MLLT10: variants seen among roughly 807,000 people sequenced by gnomAD.
MLLT10 encodes MLLT10 histone lysine methyltransferase DOT1L cofactor.
Under a neutral mutation model 129.1 loss-of-function variants are expected in MLLT10, and 30 were observed. That is an observed-to-expected ratio of 0.23 (90% CI 0.17 to 0.32). MLLT10 has a LOEUF of 0.32. MLLT10 is among the 10% of genes least tolerant of loss of function. The pLI is 1.00. For synonymous variants in MLLT10, 490 were observed against 446.4 expected (o/e 1.10, Z -1.23); for missense variants, 1,119 against 1,268.3 (o/e 0.88, Z 1.79).
intron 3 of MLLT10, among the ~76,000 whole-genome samples, chr10:21,578,041 G>A (rs2131060749): frequency 6.6e-6 from 1 of 151,998 alleles, no homozygotes; most frequent in African/African-American, 2.4e-5. Flanking sequence ...GATTACAGGT[G>A]CCCGCCATCA....
chr10:21,612,725 C>T (rs2044777904), intron 6 of MLLT10, among the ~76,000 whole-genome samples: 1 of 152,062 alleles, frequency 6.6e-6, no homozygotes, highest in Non-Finnish European at 1.5e-5. Context: ...GATTACCTAT[C>T]CTTCGATTTG....
chr10:21,646,733 A>G (rs1029333894), intron 8 of MLLT10, among the ~76,000 whole-genome samples: 1 of 152,170 alleles, frequency 6.6e-6, no homozygotes, highest in Non-Finnish European at 1.5e-5. Flanking sequence ...TGAAGATAAT[A>G]CTTGTAAGTT....
intron 3 of MLLT10, among the ~76,000 whole-genome samples, chr10:21,574,404 A>G (rs2040519448): frequency 6.6e-6 from 1 of 152,172 alleles, no homozygotes; most frequent in Non-Finnish European, 1.5e-5. Flanking sequence ...GGTTTTTCCA[A>G]AGTGTTACCA....
At position 21,735,245 on chromosome 10, in the gene MLLT10, T is replaced by G; in HGVS notation, c.2955+10T>G. 1 of 1,585,402 alleles carries G rather than the reference T, an allele frequency of 6.3e-7. No individual in the cohort carries two copies. Among genetic ancestry groups the G allele is most frequent in the South Asian group, 1.1e-5 (1 of 90,172 alleles). On this transcript the variant is annotated intron_variant, in intron 21 of 22. Coordinates refer to ENST00000307729, the MANE Select transcript of MLLT10 (RefSeq NM_001195626.3). ...TCAACAGCTCACACCAGTAAGTTCT[T>G]TCTTTTGATAATATCTTATTAGGAG...
chr10:21,617,750 GT>G (rs1370832072), intron 8 of MLLT10, among the ~76,000 whole-genome samples: 2 of 152,032 alleles, frequency 1.3e-5, no homozygotes, highest in Non-Finnish European at 1.5e-5. Flanking sequence ...TGACTTGCCT[GT>G]TTTTCCCGCT....
chr10:21,606,559 A>C (rs2044092447), intron 5 of MLLT10, among the ~76,000 whole-genome samples: 1 of 152,174 alleles, frequency 6.6e-6, no homozygotes, highest in Non-Finnish European at 1.5e-5. Flanking sequence ...GTTTGAAAGA[A>C]GTTGATTCTG....
At chr10:21,654,619 G>T (rs1264511080) in intron 9 of MLLT10, among the ~76,000 whole-genome samples, 1 of 152,152 alleles carries the variant, frequency 6.6e-6, no homozygotes, top group African/African-American at 2.4e-5. Flanking sequence ...TCCACCTGAA[G>T]GTTCATGGGC....
intron 8 of MLLT10, among the ~76,000 whole-genome samples, chr10:21,621,340 G>T (rs1407533857): frequency 6.6e-6 from 1 of 150,474 alleles, no homozygotes; most frequent in East Asian, 2.0e-4. Context: ...CGCCTTCCAG[G>T]TTCACGCCAT....
chr10:21,571,809 G>A (rs2040237050), intron 3 of MLLT10, among the ~76,000 whole-genome samples: 1 of 152,148 alleles, frequency 6.6e-6, no homozygotes, highest in Non-Finnish European at 1.5e-5. Context: ...TATTTGAGTT[G>A]CAGAAGGTGT....
chr10:21,679,148 A>T (rs2052491160), intron 11 of MLLT10, among the ~76,000 whole-genome samples: 1 of 152,204 alleles, frequency 6.6e-6, no homozygotes, highest in Non-Finnish European at 1.5e-5. Flanking sequence ...GTGTGTCCTG[A>T]TAAATGGCCT....
chr10:21,692,692 G>T (rs570898684), intron 13 of MLLT10, among the ~76,000 whole-genome samples: 31 of 150,058 alleles, frequency 2.1e-4, no homozygotes, highest in African/African-American at 7.6e-4. Flanking sequence ...TACTAATGTC[G>T]CCCAGGCTGG....
intron 8 of MLLT10, among the ~76,000 whole-genome samples, chr10:21,623,984 A>C (rs2046168829): frequency 6.6e-6 from 1 of 152,182 alleles, no homozygotes; most frequent in African/African-American, 2.4e-5. Flanking sequence ...AATTGGAAAT[A>C]CAATCACATC....
intron 9 of MLLT10, among the ~76,000 whole-genome samples, chr10:21,657,970 C>A (rs1355625094): frequency 6.6e-6 from 1 of 151,928 alleles, no homozygotes; most frequent in Non-Finnish European, 1.5e-5. Flanking sequence ...GAGATTTAAT[C>A]TTTTTTATTG....
At chr10:21,561,101 G>A (rs1311705400) in intron 3 of MLLT10, among the ~76,000 whole-genome samples, 2 of 152,052 alleles carry the variant, frequency 1.3e-5, no homozygotes, top group Non-Finnish European at 2.9e-5. Flanking sequence ...TTTTAATTGT[G>A]GTGAAGTCCA....
intron 3 of MLLT10, among the ~76,000 whole-genome samples, chr10:21,549,123 T>A (rs1045798228): frequency 2.3e-5 from 1 of 43,932 alleles, no homozygotes; most frequent in Non-Finnish European, 7.0e-5. Flanking sequence ...AGCTTATTCC[T>A]TTTTTTTTTT....
At chr10:21,538,974 A>T in intron 3 of MLLT10, 62 bp downstream of exon 3, 1 of 1,195,174 alleles carries the variant, frequency 8.4e-7, no homozygotes, top group Non-Finnish European at 1.2e-6. Flanking sequence ...TAGGAACTGC[A>T]CTCCTGTTGT....
At chr10:21,738,305 A>T in intron 21 of MLLT10, 1 of 851,838 alleles carries the variant, frequency 1.2e-6, no homozygotes, top group East Asian at 6.5e-5. Flanking sequence ...CTAAGATGGG[A>T]TCTTGTTTTT....
chr10:21,540,989 A>G (rs2130902757), intron 3 of MLLT10, among the ~76,000 whole-genome samples: 1 of 152,040 alleles, frequency 6.6e-6, no homozygotes, highest in African/African-American at 2.4e-5. Flanking sequence ...GCGAAACCCC[A>G]CCTCTACTAA....
chr10:21,574,481 G>A (rs1425094489), intron 3 of MLLT10, among the ~76,000 whole-genome samples: 2 of 152,150 alleles, frequency 1.3e-5, no homozygotes, highest in African/African-American at 4.8e-5. Context: ...AAAATTTGAG[G>A]CGGATTCATA....
Sources: gnomAD v4.1 joint callset for allele counts (sites outside exome capture counted in the v4.1 genomes callset) on GRCh38, gnomAD v4.1.1 for gene constraint, MANE v1.5 for transcripts, NCBI Gene and HGNC (gene_info 2026-07-23, HGNC 2026-07-21) for gene names.